Variants in TRPC4AP observed in about 807,000 individuals in gnomAD.
TRPC4AP encodes transient receptor potential cation channel subfamily C member 4 associated protein.
A neutral mutation model predicts 99.0 loss-of-function variants in TRPC4AP; 45 were observed. That is an observed-to-expected ratio of 0.45 (90% confidence interval 0.36 to 0.58). TRPC4AP has a LOEUF of 0.58. Ranked by LOEUF, TRPC4AP falls within the 20% of genes least tolerant of loss-of-function variation. The pLI is 0.00. For missense variants in TRPC4AP, 879 were observed against 985.3 expected, an observed-to-expected ratio of 0.89 and a Z score of 1.44; for synonymous variants, 408 against 385.8, an observed-to-expected ratio of 1.06 and a Z score of -0.67.
At chr20:35,059,784 T>TGAA (rs67550472) in intron 3 of TRPC4AP, among the ~76,000 whole-genome samples, 1 of 149,282 alleles carries the variant, frequency 6.7e-6, no homozygotes. Flanking sequence ...ACAAAGAAGA[T>TGAA]GAAGAAGAAG....
Position 35,080,523 on chromosome 20 carries a change from G to A in TRPC4AP, c.169-2349C>T, listed in dbSNP as rs1252852079. Among the ~76,000 whole-genome samples the A allele has an allele frequency of 7.1e-5, 7 of 99,282 alleles. No individual in the cohort carries two copies. The East Asian group carries it at 1.3e-3, about 18-fold the overall frequency. 65.1% of individuals were successfully genotyped at this position (99,282 alleles called of 152,430 possible). ...CTCAAAACAGAAACAAAAACAAAGC[G>A]AGACTCCATCTAAAAAAAAAAAAAA... On this transcript the variant is annotated intron_variant, in intron 1 of 18. Coordinates refer to ENST00000252015, the MANE Select transcript of TRPC4AP (RefSeq NM_015638.3).
At chr20:35,021,753 C>T (rs1305071260) in intron 8 of TRPC4AP, among the ~76,000 whole-genome samples, 1 of 152,182 alleles carries the variant, frequency 6.6e-6, no homozygotes, top group Admixed American at 6.5e-5. Context: ...TTACTTGGTT[C>T]TTCTGCTGAG....
chr20:35,029,879 G>T (rs1306393315), intron 8 of TRPC4AP, among the ~76,000 whole-genome samples: 49 of 145,792 alleles, frequency 3.4e-4, no homozygotes, highest in Non-Finnish European at 5.6e-4. Context: ...CTCGTGATCC[G>T]CCCACCTCAG....
chr20:35,040,804 G>A lies in TRPC4AP; in HGVS notation c.865+3701C>T, dbSNP rs1019553071. Among the ~76,000 whole-genome samples, 3 of 152,062 alleles carry A rather than the reference G, an allele frequency of 2.0e-5. No homozygotes were observed. The East Asian group carries it at 5.8e-4, about 29-fold the overall frequency. On this transcript the variant is annotated intron_variant, in intron 7 of 18. Transcript: ENST00000252015. ...AGATGGCTTATCATGGGACTCCTCC[G>A]CCTGTGATCGTGTGAGCCAATTCCC...
chr20:35,082,783 CAT>C (rs779611520), intron 1 of TRPC4AP, among the ~76,000 whole-genome samples: 91 of 152,216 alleles, frequency 6.0e-4, no homozygotes, highest in Admixed American at 1.2e-3. Context: ...TATTTGATAA[CAT>C]AAAGGAGAAT....
intron 7 of TRPC4AP, among the ~76,000 whole-genome samples, chr20:35,039,663 C>T (rs145478452): frequency 6.6e-6 from 1 of 152,126 alleles, no homozygotes; most frequent in African/African-American, 2.4e-5. Flanking sequence ...ATAATTCAGC[C>T]CCTCTCAGCT....
intron 2 of TRPC4AP, 127 bp downstream of exon 2, chr20:35,077,919 T>C: frequency 9.2e-7 from 1 of 1,091,794 alleles, no homozygotes; most frequent in Non-Finnish European, 1.3e-6. Context: ...ATTTCTCAAA[T>C]TTTCTATAGC....
At chr20:35,058,053 A>T (rs998735674) in intron 3 of TRPC4AP, among the ~76,000 whole-genome samples, 3 of 152,240 alleles carry the variant, frequency 2.0e-5, no homozygotes, top group African/African-American at 7.2e-5. Flanking sequence ...ATAAGCATGT[A>T]TTTAAAAATT....
chr20:35,070,570 C>G (rs912698422), intron 2 of TRPC4AP, among the ~76,000 whole-genome samples: 1 of 152,128 alleles, frequency 6.6e-6, no homozygotes. Flanking sequence ...GCCACTGCGC[C>G]CGGCTAATTT....
At chr20:35,031,934 C>G (rs1438644052) in intron 8 of TRPC4AP, among the ~76,000 whole-genome samples, 1 of 152,140 alleles carries the variant, frequency 6.6e-6, no homozygotes, top group African/African-American at 2.4e-5. Context: ...CTTTGTCACC[C>G]AGGCGCAACT....
At chr20:35,025,907 T>A (rs1336059355) in intron 8 of TRPC4AP, among the ~76,000 whole-genome samples, 1 of 152,170 alleles carries the variant, frequency 6.6e-6, no homozygotes, top group African/African-American at 2.4e-5. Context: ...GTTTCACAGG[T>A]TTAGCTCTTA....
intron 2 of TRPC4AP, among the ~76,000 whole-genome samples, chr20:35,075,344 T>C (rs6141530): frequency 0.35 from 53,889 of 152,082 alleles, 11,908 homozygotes; most frequent in East Asian, 0.59. Context: ...TGCAGTTTCT[T>C]CCTAGCATCG....
intron 3 of TRPC4AP, among the ~76,000 whole-genome samples, chr20:35,064,920 G>C (rs2084104607): frequency 6.6e-6 from 1 of 152,054 alleles, no homozygotes; most frequent in African/African-American, 2.4e-5. Context: ...TACACCTAAC[G>C]GTCTTGGTAT....
At chr20:35,067,827 T>C (rs2084183256) in intron 3 of TRPC4AP, among the ~76,000 whole-genome samples, 1 of 152,128 alleles carries the variant, frequency 6.6e-6, no homozygotes, top group Non-Finnish European at 1.5e-5. Flanking sequence ...ACAAAAAGTA[T>C]ACTAGTGTGG....
At chr20:35,048,199 T>C (rs2083603110) in intron 6 of TRPC4AP, among the ~76,000 whole-genome samples, 2 of 147,570 alleles carry the variant, frequency 1.4e-5, no homozygotes, top group African/African-American at 5.0e-5. Context: ...TCATGCTGAT[T>C]TGTAAGAATT....
chr20:35,074,787 C>A (rs929069508), intron 2 of TRPC4AP, among the ~76,000 whole-genome samples: 2 of 152,020 alleles, frequency 1.3e-5, no homozygotes, highest in Non-Finnish European at 2.9e-5. Flanking sequence ...CTATTAGGTC[C>A]GCTTGGTGCA....
At chr20:35,025,978 T>C (rs767998383) in intron 8 of TRPC4AP, among the ~76,000 whole-genome samples, 5 of 152,212 alleles carry the variant, frequency 3.3e-5, no homozygotes, top group Non-Finnish European at 5.9e-5. Flanking sequence ...TCTAACTTCA[T>C]TCTTTCGCAT....
At chr20:35,088,708 C>A (rs2084955500) in intron 1 of TRPC4AP, among the ~76,000 whole-genome samples, 1 of 152,102 alleles carries the variant, frequency 6.6e-6, no homozygotes, top group Non-Finnish European at 1.5e-5. Flanking sequence ...ATCTTGGTCA[C>A]CCTGCTAGGA....
At chr20:35,078,300 A>G in intron 1 of TRPC4AP, 126 bp from the exon 2 acceptor site, 1 of 927,702 alleles carries the variant, frequency 1.1e-6, no homozygotes, top group Non-Finnish European at 1.6e-6. Context: ...AAGCACTACT[A>G]TAAAAAGCCT....
Sources: allele counts gnomAD v4.1 joint callset (sites outside exome capture counted in the v4.1 genomes callset), GRCh38; gene constraint gnomAD v4.1.1; transcripts MANE v1.5; gene names NCBI Gene and HGNC (gene_info 2026-07-23, HGNC 2026-07-21).